The following SF3B1 variants were observed in gnomAD, a reference collection of about 807,000 sequenced individuals.
The protein encoded by SF3B1 is splicing factor 3b subunit 1, also known as pre-mRNA processing 10.
In SF3B1, 12 loss-of-function variants were observed where a neutral mutation model predicts 153.8. The ratio of observed to expected loss-of-function variants is 0.08; its 90% CI spans 0.05 to 0.13. The LOEUF is 0.13. Ranked by LOEUF, SF3B1 falls within the 10% of genes least tolerant of loss-of-function variation. The pLI, the probability that SF3B1 is intolerant of heterozygous loss-of-function variation, is 1.00. For synonymous variants in SF3B1, 498 were observed against 525.2 expected (o/e 0.95, Z 0.71); for missense variants, 513 against 1,606.1 (o/e 0.32, Z 11.63).
intron 9 of SF3B1, among the ~76,000 whole-genome samples, chr2:197,405,811 G>T (rs1045581810): frequency 2.0e-5 from 3 of 151,910 alleles, no homozygotes; most frequent in Admixed American, 1.3e-4. Context: ...TGCTGTAGTC[G>T]AGCAAATAAT....
At chr2:197,416,715 A>G (rs752466687) in intron 6 of SF3B1, 26 bp downstream of exon 6, 1 of 1,593,636 alleles carries the variant, frequency 6.3e-7, no homozygotes, top group South Asian at 1.1e-5. Context: ...TTTTAACAGT[A>G]ATAACAAAAA....
intron 20 of SF3B1, 65 bp from the exon 21 acceptor site, chr2:197,398,646 C>T (rs2084902788): frequency 6.9e-7 from 1 of 1,446,760 alleles, no homozygotes; most frequent in South Asian, 1.2e-5. Flanking sequence ...TTTCCTTTTA[C>T]TTAGCAATGT....
At position 197,431,957 on chromosome 2, in the gene SF3B1, T is replaced by TA. The variant is rs200785205; in HGVS notation, c.28+3014dup. On this transcript the variant is annotated intron_variant, in intron 1 of 24. Transcript: ENST00000335508. The stretch of plus-strand genomic sequence containing the variant: ...GGGTAACATAGCGAGACCCCATCTC[T>TA]AAAAAAAAATTGTAAAAATTAGCCA... 5.6e-4 allele frequency among the ~76,000 whole-genome samples: 84 copies of TA among 151,102 alleles called. 1 individual carries two copies. In the East Asian group the frequency reaches 0.013, roughly 24 times the overall value.
At chr2:197,422,018 T>C (rs751653025) in intron 2 of SF3B1, among the ~76,000 whole-genome samples, 8 of 152,188 alleles carry the variant, frequency 5.3e-5, no homozygotes, top group Admixed American at 1.3e-4. Context: ...ATCTCATCTC[T>C]ATTGTAATAA....
In SF3B1 at chr2:197,402,169, T is replaced by A. The variant is rs774217632; in HGVS notation, c.2078-39A>T. ...CACAGGTTTTAACTATGCCCCAACA[T>A]TACCTAAGTTACACAATATCATCCA... On this transcript the variant is annotated intron_variant, in intron 14 of 24. Coordinates refer to ENST00000335508, the MANE Select transcript of SF3B1 (RefSeq NM_012433.4). This position sits in a 1 kb window ranked among gnomAD's most constrained non-coding sequence, Gnocchi z 4.6. The A allele has an allele frequency of 3.0e-5, 47 of 1,566,480 alleles. No individual in the cohort carries two copies. The highest frequency in any genetic ancestry group is 3.7e-5 in the Non-Finnish European group (43 of 1,155,604).
chr2:197,421,815 C>CA (rs1001915795), intron 2 of SF3B1, among the ~76,000 whole-genome samples: 28 of 151,084 alleles, frequency 1.9e-4, no homozygotes, highest in Non-Finnish European at 7.4e-5. Flanking sequence ...CTGTCTCTAC[C>CA]AAAAAAAATA....
In SF3B1 at chr2:197,396,837, T is replaced by C. The variant is rs562853731; in HGVS notation, c.3267-509A>G. 2.9e-4 allele frequency among the ~76,000 whole-genome samples: 44 copies of C among 152,308 alleles called. No individual in the cohort carries two copies. In the South Asian group the frequency reaches 8.1e-3, roughly 28 times the overall value. On this transcript the variant is annotated intron_variant, in intron 22 of 24. Coordinates refer to ENST00000335508, the MANE Select transcript of SF3B1 (RefSeq NM_012433.4). ...TCTTTGACATAAACTTAGAGGGACA[T>C]TGGGGCTAAAAGCTTGCACAAAAGC... is the stretch of plus-strand genomic sequence containing the variant.
At chr2:197,394,847 G>C (rs1022764934) in intron 23 of SF3B1, among the ~76,000 whole-genome samples, 1 of 152,078 alleles carries the variant, frequency 6.6e-6, no homozygotes, top group African/African-American at 2.4e-5. Flanking sequence ...AGAGGTTGCA[G>C]TATGCCGAGA....
rs35857146 is a variant in SF3B1, at chr2:197,403,027, C to T, written c.1728G>A (p.Val576=). 451 of 1,582,704 alleles carry T rather than the reference C, an allele frequency of 2.8e-4. No homozygotes were observed. The highest frequency in any genetic ancestry group is 3.8e-4 in the Non-Finnish European group (440 of 1,169,648). ...LVRPYVHKIL[V]VIEPLLIDED... The stretch of plus-strand genomic sequence containing the variant: ...CATCAATCAATAGCGGTTCAATGAC[C>T]ACGAGGATCTGAAAAAGAGAAAAGA... The change falls in exon 13 of 25, where the codon GTG becomes GTA. Residue 576 remains valine, a synonymous_variant. Coordinates refer to ENST00000335508, the MANE Select transcript of SF3B1 (RefSeq NM_012433.4).
rs1161641965 is a variant in SF3B1, at chr2:197,391,312, A to G, written c.*991T>C. The G allele has an allele frequency of 1.3e-5, 2 of 152,216 alleles. No individual in the cohort carries two copies. Among genetic ancestry groups the G allele is most frequent in the Non-Finnish European group, 2.9e-5 (2 of 68,044 alleles). 9.4% of individuals were successfully genotyped at this position (152,216 alleles called of 1,614,324 possible). ...CTGCCACTGTGTATTATCACAGTAC[A>G]TAAGGAATCTGTCACAAGGTTTGTC... On this transcript the variant is annotated 3_prime_UTR_variant, in exon 25 of 25. Transcript: ENST00000335508.
In SF3B1 at chr2:197,408,528, C is replaced by T; in HGVS notation, c.958G>A (p.Gly320Arg). Residue 320 changes from glycine to arginine, a missense_variant, in exon 8 of 25, where the codon GGA becomes AGA. Gly to Arg is a moderately radical substitution (Grantham distance 125). Transcript: ENST00000335508. Reference sequence around the variant, plus strand: ...GTCGGTGTTTCACCAATAGAATCTCCACCTCGATCTGTTCGAGGAGTCTCA... The same window carrying T: ...GTCGGTGTTTCACCAATAGAATCTCTACCTCGATCTGTTCGAGGAGTCTCA... Reference protein sequence around the residue: ...WAETPRTDRGGDSIGETPTPG... With the variant: ...WAETPRTDRGRDSIGETPTPG... The T allele has an allele frequency of 1.2e-6, 2 of 1,613,332 alleles. No homozygotes were observed. The highest frequency in any genetic ancestry group is 1.7e-6 in the Non-Finnish European group (2 of 1,180,004).
rs2084904592 is a variant in SF3B1 at position 197,398,783 on chromosome 2, GA to G, written c.3014-203del. On this transcript the variant is annotated intron_variant, in intron 20 of 24. Coordinates refer to ENST00000335508, the MANE Select transcript of SF3B1 (RefSeq NM_012433.4). Reference sequence around the variant, plus strand: ...TTTTTGATTATGTATAGAAATGAAAGAAATCAGTGAAGTGATTTAAAGGATG... The same window carrying G: ...TTTTTGATTATGTATAGAAATGAAAGAATCAGTGAAGTGATTTAAAGGATG... The G allele has an allele frequency of 5.3e-6, 3 of 563,938 alleles. No individual in the cohort carries two copies. The African/African-American group carries it at 5.7e-5, about 11-fold the overall frequency. 34.9% of individuals were successfully genotyped at this position (563,938 alleles called of 1,614,324 possible). A position where few individuals can be genotyped will look rare whatever the true frequency, so the allele number is the denominator to read the frequency against.
At chr2:197,411,983 A>C (rs1574538603) in intron 6 of SF3B1, among the ~76,000 whole-genome samples, 1 of 151,628 alleles carries the variant, frequency 6.6e-6, no homozygotes, top group African/African-American at 2.4e-5. Context: ...GGTGGTGCAC[A>C]CCTGTAATTC....
rs1230781180 is a variant in SF3B1, at chr2:197,400,293, A to C, written c.2860T>G (p.Leu954Val). 3.1e-6 allele frequency: 5 copies of C among 1,614,016 alleles called. No homozygotes were observed. Among genetic ancestry groups the C allele is most frequent in the Non-Finnish European group, 4.2e-6 (5 of 1,179,972 alleles). ...SAKVRQQAAD[L>V]ISRTAVVMKT... ...ATGACAACAGCAGTTCGAGAAATCA[A>C]GTCAGCTGCCTGTTGCCTAACTTTA... Residue 954 changes from leucine to valine, a missense_variant, in exon 19 of 25, where the codon TTG becomes GTG. Transcript: ENST00000335508. The surrounding 1 kb of genome is among the most constrained non-coding windows in gnomAD (Gnocchi z 5.0).
chr2:197,408,699 G>T, intron 7 of SF3B1, 118 bp from the exon 8 acceptor site: 3 of 736,240 alleles, frequency 4.1e-6, no homozygotes, highest in Non-Finnish European at 6.7e-6. Context: ...TTCCTAAAAT[G>T]GTGACCCATT....
At chr2:197,415,686 T>C (rs1219951238) in intron 6 of SF3B1, among the ~76,000 whole-genome samples, 1 of 152,246 alleles carries the variant, frequency 6.6e-6, no homozygotes. Flanking sequence ...TAGCTACTTT[T>C]ATGCAGCACT....
chr2:197,403,384 T>C (rs1473982081), intron 12 of SF3B1, among the ~76,000 whole-genome samples: 1 of 151,980 alleles, frequency 6.6e-6, no homozygotes, highest in African/African-American at 2.4e-5. Context: ...TAAAAGCAAA[T>C]GAAAAAATTA....
rs1310041107 is a variant in SF3B1, at chr2:197,401,194, C to T, written c.2496+206G>A. Among the ~76,000 whole-genome samples the T allele has an allele frequency of 6.6e-6, 1 of 152,148 alleles. No homozygotes were observed. The highest frequency in any genetic ancestry group is 1.5e-5 in the Non-Finnish European group (1 of 68,018). ...AAGCACTGAATGTACCAGACAAAAA[C>T]ATCAATTCACAGTTAAGTATTAATC... is the stretch of plus-strand genomic sequence containing the variant. On this transcript the variant is annotated intron_variant, in intron 17 of 24. Coordinates refer to ENST00000335508, the MANE Select transcript of SF3B1 (RefSeq NM_012433.4). The surrounding 1 kb of genome is among the most constrained non-coding windows in gnomAD (Gnocchi z 4.2).
intron 22 of SF3B1, 173 bp downstream of exon 22, chr2:197,397,811 AG>A (rs1470072716): frequency 6.5e-6 from 3 of 463,308 alleles, no homozygotes; most frequent in African/African-American, 2.0e-5. Flanking sequence ...AAAAAAAAAA[AG>A]AATTTAACAA....
Sources: gnomAD v4.1 joint callset for allele counts (sites outside exome capture counted in the v4.1 genomes callset) on GRCh38, gnomAD v4.1.1 for gene constraint, Gnocchi (gnomAD v3.1) non-coding constraint, MANE v1.5 for transcripts, NCBI Gene and HGNC (gene_info 2026-07-23, HGNC 2026-07-21) for gene names.